The following ACAP3 variants were observed in gnomAD, a reference collection of about 807,000 sequenced individuals.
The protein encoded by ACAP3 is ArfGAP with coiled-coil, ankyrin repeat and PH domains 3.
A neutral mutation model predicts 104.1 loss-of-function variants in ACAP3; 56 were observed. The ratio of observed to expected loss-of-function variants is 0.54; its 90% CI spans 0.43 to 0.67. The LOEUF (loss-of-function observed/expected upper bound fraction) is 0.67. Among genes scored for constraint, ACAP3 ranks in the 30% least tolerant of loss-of-function variants. The pLI is 0.00. For synonymous variants in ACAP3, 628 were observed against 496.2 expected, an observed-to-expected ratio of 1.27 and a Z score of -3.53; for missense variants, 1,208 against 1,174.9, an observed-to-expected ratio of 1.03 and a Z score of -0.41.
chr1:1,300,921 G>A (rs1227115450), intron 5 of ACAP3, among the ~76,000 whole-genome samples: 2 of 152,158 alleles, frequency 1.3e-5, no homozygotes, highest in Admixed American at 6.5e-5. Flanking sequence ...ACAGGCATGC[G>A]CCACCAGGCC....
Position 1,304,120 on chromosome 1 carries a change from G to C in ACAP3, c.71C>G (p.Thr24Arg), listed in dbSNP as rs574253017. The change falls in exon 2 of 24, where the codon ACG (threonine) becomes AGG (arginine). Residue 24 changes from threonine to arginine, a missense_variant. By Grantham distance (71) the Thr-to-Arg change is moderately conservative (BLOSUM62 -1). Coordinates refer to ENST00000354700, the MANE Select transcript of ACAP3 (RefSeq NM_030649.3). ...TTTGGCCTCAATCTCCACCACGTCCGTCTCCACCTCGTCAATGGTCGCCCT... is the reference window on the plus strand; with the variant it reads ...TTTGGCCTCAATCTCCACCACGTCCCTCTCCACCTCGTCAATGGTCGCCCT... The part of the protein sequence containing the change: ...RFRATIDEVE[T>R]DVVEIEAKLD... The C allele has an allele frequency of 4.5e-6, 7 of 1,550,562 alleles. No individual in the cohort carries two copies. In the East Asian group the frequency reaches 1.7e-4, roughly 38 times the overall value.
chr1:1,293,931 T>C lies in ACAP3; in HGVS notation c.2252A>G (p.Gln751Arg). 1.3e-6 allele frequency: 2 copies of C among 1,546,272 alleles called. No individual in the cohort carries two copies. The highest frequency in any genetic ancestry group is 2.9e-5 in the African/African-American group (2 of 69,820). The change falls in exon 23 of 24, where the codon CAG becomes CGG. Residue 751 changes from glutamine (Q) to arginine (R), a missense_variant and splice_region_variant. Transcript: ENST00000354700. ...HHATLLGRTG[Q>R]VCLFLKRGAD... ...GCCCCGCTTCAGGAACAGGCAAACC[T>C]GGCTGAGGGGCGAGGTCGGAGGGGC...
chr1:1,298,432 G>C lies in ACAP3; in HGVS notation c.864-11C>G. The C allele has an allele frequency of 2.5e-6, 4 of 1,597,074 alleles. No homozygotes were observed. The highest frequency in any genetic ancestry group is 3.4e-6 in the Non-Finnish European group (4 of 1,171,334). On this transcript the variant is annotated splice_polypyrimidine_tract_variant and intron_variant, in intron 11 of 23. Coordinates refer to ENST00000354700, the MANE Select transcript of ACAP3 (RefSeq NM_030649.3). ...ATGGAGAACCAGCGCCTAGGTGGGT[G>C]GGGGGATGTGGGGAGTCAGGCGGGG...
At chr1:1,307,161 G>A (rs970013797) in intron 1 of ACAP3, 2 of 1,276,420 alleles carry the variant, frequency 1.6e-6, no homozygotes, top group Admixed American at 2.3e-5. Context: ...ACACGTCTGT[G>A]AACATGTAGT....
At chr1:1,298,500 C>T in intron 11 of ACAP3, 67 bp downstream of exon 11, 2 of 1,227,648 alleles carry the variant, frequency 1.6e-6, no homozygotes, top group East Asian at 2.5e-5. Flanking sequence ...ACCTGAGGAC[C>T]CCACCCCCGC....
Position 1,293,456 on chromosome 1 carries a change from A to C in ACAP3, c.*108T>G. Reference sequence around the variant, plus strand: ...CGCCCCAGCACTGGGGCTGCCAGGTATCGACCCGCGGGTCACACGCAGGGC... The same window carrying C: ...CGCCCCAGCACTGGGGCTGCCAGGTCTCGACCCGCGGGTCACACGCAGGGC... On this transcript the variant is annotated 3_prime_UTR_variant, in exon 24 of 24. Transcript: ENST00000354700. 5.1e-5 allele frequency: 56 copies of C among 1,105,010 alleles called. No homozygotes were observed. The highest frequency in any genetic ancestry group is 9.3e-5 in the Admixed American group (2 of 21,406). The allele number at this position is 1,105,010 out of a possible 1,614,324, so 68.5% of individuals were successfully genotyped here.
At chr1:1,307,606 G>A (rs1156936356) in intron 1 of ACAP3, among the ~76,000 whole-genome samples, 163 bp downstream of exon 1, 2 of 152,042 alleles carry the variant, frequency 1.3e-5, no homozygotes, top group Non-Finnish European at 2.9e-5. Context: ...AACCCCCGGG[G>A]CATGGCGGGG....
Position 1,300,015 on chromosome 1 carries a change from G to A in ACAP3, c.621C>T (p.Leu207=). The A allele has an allele frequency of 6.2e-7, 1 of 1,612,556 alleles. No individual in the cohort carries two copies. The highest frequency in any genetic ancestry group is 1.7e-5 in the Admixed American group (1 of 60,006). ...TCATGTAGGGGTCCAGCTGGTGCAG[G>A]AGGCTGTAGCCCTGCTGGAAGAAGC... ...QSSFFQQGYS[L]LHQLDPYMKK... Residue 207 remains leucine, a synonymous_variant, in exon 8 of 24, where the codon CTC becomes CTT. Coordinates refer to ENST00000354700, the MANE Select transcript of ACAP3 (RefSeq NM_030649.3).
rs776174539 is a variant in ACAP3, at chr1:1,299,870, C to A, written c.699G>T (p.Lys233Asn). 1 of 1,572,334 alleles carries A rather than the reference C, an allele frequency of 6.4e-7. No homozygotes were observed. The highest frequency in any genetic ancestry group is 8.6e-7 in the Non-Finnish European group (1 of 1,157,100). ...DQLVIDSAVE[K>N]REMERKHAAI... ...CGGCGTGCTTTCGCTCCATCTCACG[C>A]TTTTCCACCGCAGAGTCGATCACCA... Residue 233 changes from lysine to asparagine, a missense_variant, in exon 9 of 24, where the codon AAG (lysine) becomes AAT (asparagine). Coordinates refer to ENST00000354700, the MANE Select transcript of ACAP3 (RefSeq NM_030649.3).
rs892421598 is a variant in ACAP3, at chr1:1,303,911, G to A, written c.105+175C>T. 3.9e-6 allele frequency: 3 copies of A among 764,066 alleles called. No homozygotes were observed. Among genetic ancestry groups the A allele is most frequent in the East Asian group, 2.7e-5 (1 of 37,060 alleles). 47.3% of individuals were successfully genotyped at this position (764,066 alleles called of 1,614,324 possible). A position where few individuals can be genotyped will look rare whatever the true frequency, so the allele number is the denominator to read the frequency against. On this transcript the variant is annotated intron_variant, in intron 2 of 23. Transcript: ENST00000354700. The surrounding 1 kb of genome is among the most constrained non-coding windows in gnomAD (Gnocchi z 4.0). ...CAGGGCCAGCCACATGTGTGCATGT[G>A]ACATGTGCACCCTGGAACACACATG... is the stretch of plus-strand genomic sequence containing the variant.
chr1:1,293,733 G>A (rs1164866875), intron 23 of ACAP3, 25 bp from the exon 24 acceptor site: 5 of 1,439,212 alleles, frequency 3.5e-6, no homozygotes, highest in Admixed American at 2.8e-5. Context: ...AGCGTGAGAC[G>A]CCCCTGCCCT....
Position 1,296,586 on chromosome 1 carries a change from G to A in ACAP3, c.1176C>T (p.Ala392=). 1 of 1,539,604 alleles carries A rather than the reference G, an allele frequency of 6.5e-7. No homozygotes were observed. The highest frequency in any genetic ancestry group is 1.2e-5 in the South Asian group (1 of 84,048). ...TCACGCCACGCTCCCGAGTGTCGGT[G>A]GCGGAGTCGATGCTGCTCGTGGACG... The part of the protein sequence containing the change: ...ASPSTSSIDS[A]TDTRERGVKG... Residue 392 remains alanine (A), a synonymous_variant, in exon 15 of 24, where the codon GCC becomes GCT. Transcript: ENST00000354700.
At position 1,307,904 on chromosome 1, in the gene ACAP3, C is replaced by T; in HGVS notation, c.-89G>A. The T allele has an allele frequency of 1.3e-6, 1 of 744,134 alleles. No homozygotes were observed. Among genetic ancestry groups the T allele is most frequent in the Non-Finnish European group, 1.6e-6 (1 of 611,726 alleles). The allele number at this position is 744,134 out of a possible 1,614,324, so 46.1% of individuals were successfully genotyped here. ...CCCGGACCGCTCGTCCCGCCCGCGC[C>T]GCCTCGGCGCCCGCCCGCCCCGGAA... On this transcript the variant is annotated 5_prime_UTR_variant, in exon 1 of 24. Coordinates refer to ENST00000354700, the MANE Select transcript of ACAP3 (RefSeq NM_030649.3).
At chr1:1,295,695 A>C (rs1163805841) in intron 18 of ACAP3, 41 bp downstream of exon 18, 1 of 1,571,848 alleles carries the variant, frequency 6.4e-7, no homozygotes, top group Admixed American at 1.8e-5. Context: ...TCCCCGACCA[A>C]GGCAAGCCCC....
At chr1:1,306,328 C>G (rs983555737) in intron 1 of ACAP3, among the ~76,000 whole-genome samples, 1 of 151,164 alleles carries the variant, frequency 6.6e-6, no homozygotes, top group Non-Finnish European at 1.5e-5. Context: ...AGGCTTCTGA[C>G]GGAGGGGCCA....
Position 1,303,637 on chromosome 1 carries a change from G to T in ACAP3, c.106-356C>A. 2.4e-6 allele frequency: 1 copy of T among 425,240 alleles called. No individual in the cohort carries two copies. Among genetic ancestry groups the T allele is most frequent in the Middle Eastern group, 6.6e-4 (1 of 1,524 alleles). 26.3% of individuals were successfully genotyped at this position (425,240 alleles called of 1,614,324 possible). On this transcript the variant is annotated intron_variant, in intron 2 of 23. Coordinates refer to ENST00000354700, the MANE Select transcript of ACAP3 (RefSeq NM_030649.3). The surrounding 1 kb of genome is among the most constrained non-coding windows in gnomAD (Gnocchi z 4.0). ...CCTCCTCTTTCTCAGCCCATGTGGG[G>T]CTCATGGACACGGCTCCCCTCTCCA...
chr1:1,299,713 G>A (rs548184010), intron 9 of ACAP3, 118 bp downstream of exon 9: 4 of 1,208,898 alleles, frequency 3.3e-6, no homozygotes, highest in South Asian at 3.0e-5. Context: ...GAGGGTGTGG[G>A]CAGGGCAGGT....
chr1:1,298,869 G>A, intron 10 of ACAP3, 190 bp from the exon 11 acceptor site: 1 of 596,896 alleles, frequency 1.7e-6, no homozygotes, highest in South Asian at 2.0e-5. Context: ...CCCCAGCCCT[G>A]CAACCCGTGG....
At chr1:1,304,283 C>T in intron 1 of ACAP3, 140 bp from the exon 2 acceptor site, 1 of 1,036,916 alleles carries the variant, frequency 9.6e-7, no homozygotes, top group Non-Finnish European at 1.4e-6. Flanking sequence ...CGCCTGCCTG[C>T]TACGGGGGCA....
Sources: gnomAD v4.1 joint callset for allele counts (sites outside exome capture counted in the v4.1 genomes callset) on GRCh38, gnomAD v4.1.1 for gene constraint, Gnocchi (gnomAD v3.1) non-coding constraint, MANE v1.5 for transcripts, NCBI Gene and HGNC (gene_info 2026-07-23, HGNC 2026-07-21) for gene names.